The following SETD2 variants were observed in gnomAD, a reference collection of about 807,000 sequenced individuals.
SETD2 encodes the protein SET domain containing 2, histone lysine methyltransferase.
In SETD2, 31 loss-of-function variants were observed where a neutral mutation model predicts 242.1. The observed-to-expected ratio is 0.13, with a 90% CI of 0.10 to 0.17. The LOEUF (loss-of-function observed/expected upper bound fraction) is 0.17. Among genes scored for constraint, SETD2 ranks in the 10% least tolerant of loss-of-function variants. The pLI is 1.00. For synonymous variants in SETD2, 1,006 were observed against 1,066.5 expected, an observed-to-expected ratio of 0.94 and a Z score of 1.11; for missense variants, 2,481 against 3,046.3, an observed-to-expected ratio of 0.81 and a Z score of 4.37.
chr3:47,091,921 G>A (rs941033212), intron 9 of SETD2, among the ~76,000 whole-genome samples: 1 of 151,920 alleles, frequency 6.6e-6, no homozygotes, highest in African/African-American at 2.4e-5. Context: ...CTCCAGCCTG[G>A]GTGACAGAGC....
chr3:47,080,869 A>C, intron 12 of SETD2: 1 of 986,918 alleles, frequency 1.0e-6, no homozygotes, highest in Non-Finnish European at 1.2e-6. Context: ...GGACGCACCA[A>C]AATAACGCCG....
chr3:47,123,777 C>T lies in SETD2; in HGVS notation c.859G>A (p.Gly287Arg), dbSNP rs899226018. 1.6e-5 allele frequency: 24 copies of T among 1,547,910 alleles called. No homozygotes were observed. The highest frequency in any genetic ancestry group is 1.8e-5 in the Non-Finnish European group (21 of 1,145,762). Residue 287 changes from glycine (G) to arginine (R), a missense_variant, in exon 3 of 21, where the codon GGG (glycine) becomes AGG (arginine). Physicochemically the swap from Gly to Arg is moderately radical, Grantham distance 125. Transcript: ENST00000409792. ...ISSKKEDSHI[G>R]KDEEIPDSSK... ...CTATCTGGAATTTCTTCATCCTTCCCAATATGGGAATCTTCTTTTTTTGAG... is the reference window on the plus strand; with the variant it reads ...CTATCTGGAATTTCTTCATCCTTCCTAATATGGGAATCTTCTTTTTTTGAG...
chr3:47,044,342 C>T (rs527875088), intron 16 of SETD2, among the ~76,000 whole-genome samples: 3 of 22,304 alleles, frequency 1.3e-4, no homozygotes, highest in Non-Finnish European at 2.2e-4. Flanking sequence ...AAGACTTCAT[C>T]TCAAAAAAAA....
intron 18 of SETD2, among the ~76,000 whole-genome samples, chr3:47,031,728 T>TA (rs1374127154): frequency 6.6e-6 from 1 of 152,200 alleles, no homozygotes; most frequent in Admixed American, 6.5e-5. Flanking sequence ...AGAGTATAAA[T>TA]ATCCCTTTAT....
chr3:47,088,336 T>C (rs1255134839), intron 9 of SETD2, 89 bp from the exon 10 acceptor site: 51 of 1,347,932 alleles, frequency 3.8e-5, no homozygotes, highest in Non-Finnish European at 4.8e-5. Flanking sequence ...ACCTTATCAA[T>C]TATCAGGAAA....
intron 9 of SETD2, among the ~76,000 whole-genome samples, chr3:47,095,372 G>A (rs1482759389): frequency 6.6e-6 from 1 of 152,144 alleles, no homozygotes; most frequent in African/African-American, 2.4e-5. Context: ...CTAACCTCGT[G>A]ATCTGCCTGC....
chr3:47,163,952 GC>G lies in SETD2; in HGVS notation c.-29del. On this transcript the variant is annotated 5_prime_UTR_variant, in exon 1 of 21. Transcript: ENST00000409792. ...GGAGCGGCTGGAGACGGCGACGCGA[GC>G]CCCCTCCCCGCAGCAGGGCGACGCG... 1 of 1,274,834 alleles carries G rather than the reference GC, an allele frequency of 7.8e-7. No homozygotes were observed. Among genetic ancestry groups the G allele is most frequent in the Non-Finnish European group, 1.0e-6 (1 of 1,004,342 alleles). 79.0% of individuals were successfully genotyped at this position (1,274,834 alleles called of 1,614,324 possible).
chr3:47,045,449 C>T (rs1213356430), intron 16 of SETD2, among the ~76,000 whole-genome samples: 6 of 148,126 alleles, frequency 4.1e-5, no homozygotes, highest in Admixed American at 2.1e-4. Flanking sequence ...ACCCAGGAGG[C>T]GGAGCTTGCA....
chr3:47,044,570 T>C (rs1437876991), intron 16 of SETD2, among the ~76,000 whole-genome samples: 2 of 152,104 alleles, frequency 1.3e-5, no homozygotes, highest in African/African-American at 4.8e-5. Flanking sequence ...TGTTCTAAAG[T>C]GCTGATTTGA....
intron 19 of SETD2, among the ~76,000 whole-genome samples, chr3:47,018,699 T>C (rs1174933687): frequency 6.6e-6 from 1 of 152,216 alleles, no homozygotes; most frequent in Non-Finnish European, 1.5e-5. Context: ...AGGGATTTCA[T>C]TACCCCCTGC....
Position 47,164,063 on chromosome 3 carries a change from T to C in SETD2, c.-139A>G. 1 of 1,201,054 alleles carries C rather than the reference T, an allele frequency of 8.3e-7. No homozygotes were observed. The highest frequency in any genetic ancestry group is 1.0e-6 in the Non-Finnish European group (1 of 962,978). The allele number at this position is 1,201,054 out of a possible 1,614,324, so 74.4% of individuals were successfully genotyped here. ...CGGCGGCAGGGGCGGCCCGCGTCGCTACCTCGCTCGTCGCTCCCTCCCTCC... is the reference window on the plus strand; with the variant it reads ...CGGCGGCAGGGGCGGCCCGCGTCGCCACCTCGCTCGTCGCTCCCTCCCTCC... On this transcript the variant is annotated 5_prime_UTR_variant, in exon 1 of 21. Coordinates refer to ENST00000409792, the MANE Select transcript of SETD2 (RefSeq NM_014159.7). The surrounding 1 kb of genome is among the most constrained non-coding windows in gnomAD (Gnocchi z 5.4).
intron 13 of SETD2, among the ~76,000 whole-genome samples, chr3:47,065,152 C>T (rs1370350408): frequency 6.6e-6 from 1 of 152,172 alleles, no homozygotes; most frequent in Non-Finnish European, 1.5e-5. Flanking sequence ...ATAGTGGTGC[C>T]ACTGGTTTTG....
intron 1 of SETD2, among the ~76,000 whole-genome samples, chr3:47,159,601 T>C (rs934272653): frequency 1.3e-5 from 2 of 152,198 alleles, no homozygotes; most frequent in African/African-American, 2.4e-5. Context: ...AAATGATCCT[T>C]TGAAACTGAA....
intron 9 of SETD2, among the ~76,000 whole-genome samples, chr3:47,091,695 G>A (rs551260305): frequency 5.9e-5 from 9 of 152,264 alleles, no homozygotes; most frequent in South Asian, 4.1e-4. Context: ...CGCGGGAGGC[G>A]GAGGTTACAG....
intron 4 of SETD2, among the ~76,000 whole-genome samples, chr3:47,115,498 T>C (rs1046357616): frequency 1.3e-5 from 2 of 152,154 alleles, no homozygotes; most frequent in Non-Finnish European, 2.9e-5. Flanking sequence ...TCTTTATTTT[T>C]TCAAGGTATA....
chr3:47,035,676 A>G (rs2107525408), intron 18 of SETD2, among the ~76,000 whole-genome samples: 1 of 152,360 alleles, frequency 6.6e-6, no homozygotes, highest in East Asian at 1.9e-4. Context: ...TACGGTGCCC[A>G]TGAACTTGGG....
intron 2 of SETD2, among the ~76,000 whole-genome samples, chr3:47,125,407 G>A (rs1174894001): frequency 6.6e-6 from 1 of 152,018 alleles, no homozygotes; most frequent in Non-Finnish European, 1.5e-5. Context: ...ACGAGCTATT[G>A]AGCTCTAAGA....
intron 1 of SETD2, among the ~76,000 whole-genome samples, chr3:47,149,577 C>T: frequency 6.6e-6 from 1 of 152,174 alleles, no homozygotes; most frequent in South Asian, 2.1e-4. Flanking sequence ...ACATCCTCTA[C>T]CATCTGCCTA....
chr3:47,117,553 T>C lies in SETD2; in HGVS notation c.4455-799A>G, dbSNP rs574261986. On this transcript the variant is annotated intron_variant, in intron 3 of 20. Coordinates refer to ENST00000409792, the MANE Select transcript of SETD2 (RefSeq NM_014159.7). ...AGCAAATAATAGTTGAGATATAAGA[T>C]TGAGGGAGAAAAGGGGTTTCTAAAA... 2.6e-5 allele frequency among the ~76,000 whole-genome samples: 4 copies of C among 152,238 alleles called. No homozygotes were observed. The South Asian group carries it at 8.3e-4, about 32-fold the overall frequency.
Sources: allele counts gnomAD v4.1 joint callset (sites outside exome capture counted in the v4.1 genomes callset), GRCh38; gene constraint gnomAD v4.1.1; non-coding constraint Gnocchi (gnomAD v3.1); transcripts MANE v1.5; gene names NCBI Gene and HGNC (gene_info 2026-07-23, HGNC 2026-07-21).